The following ZBTB20 variants were observed in gnomAD, a reference collection of about 807,000 sequenced individuals.
ZBTB20 encodes the protein zinc finger and BTB domain-containing protein 20.
Under a neutral mutation model 56.9 loss-of-function variants are expected in ZBTB20, and 9 were observed. That is an observed-to-expected ratio of 0.16 (90% CI 0.10 to 0.28). ZBTB20 has a LOEUF of 0.28. Ranked by LOEUF, ZBTB20 falls within the 10% of genes least tolerant of loss-of-function variation. The pLI is 1.00. For missense variants in ZBTB20, 655 were observed against 1,003.0 expected, an observed-to-expected ratio of 0.65 and a Z score of 4.69; for synonymous variants, 417 against 420.7, an observed-to-expected ratio of 0.99 and a Z score of 0.11.
intron 6 of ZBTB20, among the ~76,000 whole-genome samples, chr3:114,637,412 G>GT (rs1167841925): frequency 6.6e-6 from 1 of 152,002 alleles, no homozygotes; most frequent in Non-Finnish European, 1.5e-5. Context: ...CATAATTGGG[G>GT]TTTCACAGAT....
intron 3 of ZBTB20, among the ~76,000 whole-genome samples, chr3:114,926,772 C>CT (rs1315791692): frequency 6.6e-6 from 1 of 152,100 alleles, no homozygotes; most frequent in African/African-American, 2.4e-5. Context: ...TTCATATTGT[C>CT]TAACAATCAA....
chr3:114,818,642 T>C (rs893396400), intron 4 of ZBTB20, among the ~76,000 whole-genome samples: 2 of 151,948 alleles, frequency 1.3e-5, no homozygotes, highest in Non-Finnish European at 1.5e-5. Context: ...TTCCTAATAA[T>C]CAAATAAGGA....
chr3:114,460,354 A>C (rs577034375), intron 7 of ZBTB20, among the ~76,000 whole-genome samples: 114 of 152,228 alleles, frequency 7.5e-4, no homozygotes, highest in African/African-American at 2.6e-3. Context: ...CTTACGTGGC[A>C]AAGGGGTCTT....
At chr3:114,725,924 G>T (rs2065243987) in intron 5 of ZBTB20, among the ~76,000 whole-genome samples, 1 of 152,212 alleles carries the variant, frequency 6.6e-6, no homozygotes, top group Non-Finnish European at 1.5e-5. Flanking sequence ...AGCTACCGAA[G>T]ATCTGCAAAA....
intron 2 of ZBTB20, among the ~76,000 whole-genome samples, chr3:115,060,560 G>A (rs754270884): frequency 5.7e-4 from 87 of 152,088 alleles, no homozygotes; most frequent in Non-Finnish European, 1.0e-3. Flanking sequence ...CTTGAAAGGA[G>A]CTTCCATGTT....
chr3:114,607,489 G>T (rs2057259584), intron 6 of ZBTB20, among the ~76,000 whole-genome samples: 2 of 151,936 alleles, frequency 1.3e-5, no homozygotes, highest in South Asian at 4.2e-4. Flanking sequence ...TTTTAGTAGA[G>T]ACAGCGTTTC....
intron 6 of ZBTB20, among the ~76,000 whole-genome samples, chr3:114,623,825 C>A (rs74589437): frequency 2.1e-3 from 313 of 151,910 alleles, no homozygotes; most frequent in African/African-American, 4.8e-3. Context: ...CTTCCTCCCC[C>A]CAACAAGCAT....
intron 5 of ZBTB20, among the ~76,000 whole-genome samples, chr3:114,783,785 C>G (rs2070288847): frequency 1.5e-5 from 1 of 67,390 alleles, no homozygotes; most frequent in Non-Finnish European, 2.9e-5. Context: ...GAGCAAGACT[C>G]TGCCTCAAAA....
chr3:114,441,975 T>A (rs1002026151), intron 7 of ZBTB20, among the ~76,000 whole-genome samples: 1 of 152,102 alleles, frequency 6.6e-6, no homozygotes, highest in Non-Finnish European at 1.5e-5. Context: ...GCAACAAATT[T>A]ACAAATTTTA....
chr3:115,061,489 A>G (rs2082009947), intron 2 of ZBTB20, among the ~76,000 whole-genome samples: 1 of 152,186 alleles, frequency 6.6e-6, no homozygotes, highest in South Asian at 2.1e-4. Flanking sequence ...GTCTCCTATT[A>G]ACCAATTTAT....
chr3:114,498,504 C>A (rs1254373572), intron 7 of ZBTB20, among the ~76,000 whole-genome samples: 1 of 152,172 alleles, frequency 6.6e-6, no homozygotes, highest in Non-Finnish European at 1.5e-5. Context: ...CTGGAGCCAT[C>A]AACCATCAAC....
chr3:114,424,370 T>C (rs1454003432), intron 7 of ZBTB20, among the ~76,000 whole-genome samples: 2 of 152,170 alleles, frequency 1.3e-5, no homozygotes, highest in African/African-American at 4.8e-5. Flanking sequence ...GGAGGCCATA[T>C]AGATATGCAT....
chr3:114,569,380 G>A (rs932867397), intron 6 of ZBTB20, among the ~76,000 whole-genome samples: 2 of 152,194 alleles, frequency 1.3e-5, no homozygotes, highest in African/African-American at 4.8e-5. Flanking sequence ...ACAGAATCAG[G>A]AAACTCAAGT....
chr3:115,008,269 C>T (rs1044107897), intron 2 of ZBTB20, among the ~76,000 whole-genome samples: 28 of 151,766 alleles, frequency 1.8e-4, no homozygotes, highest in Admixed American at 1.5e-3. Flanking sequence ...CTGTTATTCC[C>T]GTCTCTTTTA....
chr3:115,011,585 T>C (rs1037229327), intron 2 of ZBTB20, among the ~76,000 whole-genome samples: 15 of 151,726 alleles, frequency 9.9e-5, no homozygotes, highest in Admixed American at 9.9e-4. Flanking sequence ...GAAGGAGAAA[T>C]GAAGACTTTC....
At chr3:115,042,324 T>C (rs992753160) in intron 2 of ZBTB20, among the ~76,000 whole-genome samples, 6 of 152,206 alleles carry the variant, frequency 3.9e-5, no homozygotes, top group African/African-American at 1.4e-4. Flanking sequence ...TTCACTTTTT[T>C]ATAAAAGGTA....
At position 114,965,714 on chromosome 3, in the gene ZBTB20, G is replaced by A. The variant is rs182966015; in HGVS notation, c.-456+8652C>T. The stretch of plus-strand genomic sequence containing the variant: ...TAACATCCATTCTGACAGGTGTGAG[G>A]TGGTACTCACTGTGGTTTTAATTTG... On this transcript the variant is annotated intron_variant, in intron 3 of 11. Coordinates refer to ENST00000675478, the MANE Select transcript of ZBTB20 (RefSeq NM_001348800.3). Among the ~76,000 whole-genome samples, 66 of 152,150 alleles carry A rather than the reference G, an allele frequency of 4.3e-4. 1 individual carries two copies. The highest frequency in any genetic ancestry group is 1.4e-3 in the African/African-American group (59 of 41,526).
At chr3:114,667,217 T>C (rs1037785553) in intron 6 of ZBTB20, among the ~76,000 whole-genome samples, 2 of 151,952 alleles carry the variant, frequency 1.3e-5, no homozygotes, top group African/African-American at 4.8e-5. Context: ...ACACTAGGCA[T>C]AAATGGGATA....
Position 114,380,361 on chromosome 3 carries a change from T to C in ZBTB20, c.55A>G (p.Asn19Asp). 6.5e-7 allele frequency: 1 copy of C among 1,537,108 alleles called. No individual in the cohort carries two copies. Among genetic ancestry groups the C allele is most frequent in the Non-Finnish European group, 8.7e-7 (1 of 1,146,820 alleles). The change falls in exon 10 of 12, where the codon AAT (asparagine) becomes GAT (aspartate). Residue 19 changes from asparagine to aspartate, a missense_variant. Asn to Asp is a conservative substitution (Grantham distance 23). Around this residue, in one of 10 missense-constraint regions of ZBTB20, gnomAD observed 79 missense variants for 78.4 expected, o/e 1.01. Coordinates refer to ENST00000675478, the MANE Select transcript of ZBTB20 (RefSeq NM_001348800.3). ...GATCCACCCGGCTGAGTAATCTCAT[T>C]CTCCTCAGATGCCTTCTGGTTTTCA... ...TAENQKASEENEITQPGGSSA... is the reference protein window; with the variant it reads ...TAENQKASEEDEITQPGGSSA...
Sources: allele counts gnomAD v4.1 joint callset (sites outside exome capture counted in the v4.1 genomes callset), GRCh38; gene constraint gnomAD v4.1.1; regional missense constraint gnomAD v4.1.1; transcripts MANE v1.5; gene names NCBI Gene and HGNC (gene_info 2026-07-23, HGNC 2026-07-21).